Variants in SNX27 observed in about 807,000 individuals in gnomAD.
The protein encoded by SNX27 is sorting nexin 27.
SNX27 carries 22 observed loss-of-function variants against 71.6 expected under a neutral mutation model. That is an observed-to-expected ratio of 0.31 (90% CI 0.22 to 0.44). SNX27 has a LOEUF of 0.44. Ranked by LOEUF, SNX27 falls within the 20% of genes least tolerant of loss-of-function variation. The pLI is 1.00. For synonymous variants in SNX27, 269 were observed against 277.2 expected, an observed-to-expected ratio of 0.97 and a Z score of 0.29; for missense variants, 531 against 698.6, an observed-to-expected ratio of 0.76 and a Z score of 2.70.
At chr1:151,668,879 A>ATTTTT (rs1274592203) in intron 7 of SNX27, among the ~76,000 whole-genome samples, 1 of 152,216 alleles carries the variant, frequency 6.6e-6, no homozygotes, top group Non-Finnish European at 1.5e-5. Flanking sequence ...TAAACAATAG[A>ATTTTT]AAATGAGCAT....
chr1:151,613,170 AT>A (rs1378298899), intron 1 of SNX27: 1 of 148,326 alleles, frequency 6.7e-6, no homozygotes, highest in Non-Finnish European at 1.5e-5. Flanking sequence ...TCCTTTTTGT[AT>A]TTCTACTCCA....
intron 3 of SNX27, chr1:151,660,506 A>T (rs1291839014): frequency 3.4e-6 from 1 of 291,862 alleles, no homozygotes; most frequent in East Asian, 6.8e-5. Context: ...GTCACACAAG[A>T]CTGCAAAGTT....
rs1431082561 is a variant in SNX27 at position 151,694,491 on chromosome 1, A to T, written c.*74A>T. The T allele has an allele frequency of 7.1e-7, 1 of 1,403,426 alleles. No homozygotes were observed. The highest frequency in any genetic ancestry group is 9.6e-7 in the Non-Finnish European group (1 of 1,042,358). 86.9% of individuals were successfully genotyped at this position (1,403,426 alleles called of 1,614,324 possible). A position where few individuals can be genotyped will look rare whatever the true frequency, so the allele number is the denominator to read the frequency against. On this transcript the variant is annotated 3_prime_UTR_variant, in exon 12 of 12. Transcript: ENST00000458013. Reference sequence around the variant, plus strand: ...TTCATGTCCCATTTCAGACAGAGTAACCATTAACAAAAAAGAAGAGAAAAA... The same window carrying T: ...TTCATGTCCCATTTCAGACAGAGTATCCATTAACAAAAAAGAAGAGAAAAA...
intron 8 of SNX27, among the ~76,000 whole-genome samples, chr1:151,691,042 A>G (rs1391960156): frequency 2.6e-5 from 4 of 152,184 alleles, no homozygotes; most frequent in African/African-American, 9.7e-5. Context: ...AAAGTATAGG[A>G]GTCAGAGATT....
intron 2 of SNX27, among the ~76,000 whole-genome samples, chr1:151,643,812 C>T (rs187261523): frequency 1.3e-3 from 202 of 152,092 alleles, no homozygotes; most frequent in African/African-American, 4.8e-3. Flanking sequence ...AGGCATGTGC[C>T]AGCACGCTCG....
At chr1:151,693,359 C>A in intron 10 of SNX27, 65 bp from the exon 11 acceptor site, 1 of 1,501,448 alleles carries the variant, frequency 6.7e-7, no homozygotes, top group South Asian at 1.1e-5. Flanking sequence ...GACAGGAGTT[C>A]AAAGGCACAG....
chr1:151,645,801 G>T (rs1669008953), intron 2 of SNX27, among the ~76,000 whole-genome samples: 1 of 152,198 alleles, frequency 6.6e-6, no homozygotes, highest in Non-Finnish European at 1.5e-5. Flanking sequence ...CCCTCTTAAT[G>T]CAGGAGTGTA....
In SNX27 at chr1:151,695,459, C is replaced by T. The variant is rs1021032367; in HGVS notation, c.*1042C>T. 8.9e-5 allele frequency: 11 copies of T among 123,220 alleles called. No homozygotes were observed. Among genetic ancestry groups the T allele is most frequent in the African/African-American group, 2.5e-4 (8 of 32,150 alleles). 7.6% of individuals were successfully genotyped at this position (123,220 alleles called of 1,614,324 possible). ...TTTCTGAGACAGGGTCTTACTCTGT[C>T]GCCCAGACTGGAATGTGGTGGCATG... On this transcript the variant is annotated 3_prime_UTR_variant, in exon 12 of 12. Transcript: ENST00000458013.
intron 1 of SNX27, among the ~76,000 whole-genome samples, chr1:151,617,537 G>A (rs988119790): frequency 6.6e-6 from 1 of 152,186 alleles, no homozygotes; most frequent in Non-Finnish European, 1.5e-5. Context: ...GCCCGCCTCG[G>A]CCTCCCAAAG....
rs370735757 is a variant in SNX27 at position 151,644,059 on chromosome 1, A to T, written c.543+4940A>T. Among the ~76,000 whole-genome samples the T allele has an allele frequency of 3.9e-5, 6 of 152,250 alleles. No individual in the cohort carries two copies. The East Asian group carries it at 9.6e-4, about 24-fold the overall frequency. ...AAGTGAGACTTCGTCTCAAAAAAAAAATAGATAAATAAAAGTACAATTAGT... is the reference window on the plus strand; with the variant it reads ...AAGTGAGACTTCGTCTCAAAAAAAATATAGATAAATAAAAGTACAATTAGT... On this transcript the variant is annotated intron_variant, in intron 2 of 11. Transcript: ENST00000458013.
intron 7 of SNX27, among the ~76,000 whole-genome samples, chr1:151,670,999 A>G (rs1460518601): frequency 6.6e-6 from 1 of 152,170 alleles, no homozygotes. Flanking sequence ...ATTCTTTTGC[A>G]CATGGATATC....
intron 2 of SNX27, among the ~76,000 whole-genome samples, chr1:151,641,938 T>C (rs1428949566): frequency 8.3e-6 from 1 of 120,736 alleles, no homozygotes; most frequent in Admixed American, 9.7e-5. Flanking sequence ...ATATGAGATA[T>C]ATATATCAGC....
chr1:151,638,827 G>A, intron 1 of SNX27, 61 bp from the exon 2 acceptor site: 1 of 1,467,560 alleles, frequency 6.8e-7, no homozygotes, highest in South Asian at 1.1e-5. Flanking sequence ...GGAGGGTGGA[G>A]ATACAAGGTG....
In SNX27 at chr1:151,694,588, G is replaced by T; in HGVS notation, c.*171G>T. ...ACCCCCTCTGAATTTCATGTCTCTG[G>T]AATTGAGGTGGTAGTGAACAGCAGA... On this transcript the variant is annotated 3_prime_UTR_variant, in exon 12 of 12. Coordinates refer to ENST00000458013, the MANE Select transcript of SNX27 (RefSeq NM_001330723.2). 1.6e-6 allele frequency: 1 copy of T among 638,384 alleles called. No homozygotes were observed. 39.5% of individuals were successfully genotyped at this position (638,384 alleles called of 1,614,324 possible). A position where few individuals can be genotyped will look rare whatever the true frequency, so the allele number is the denominator to read the frequency against.
At position 151,697,357 on chromosome 1, in the gene SNX27, CAT is replaced by C. The variant is rs896927069; in HGVS notation, c.*2942_*2943del. Reference sequence around the variant, plus strand: ...TGAATGCTGACCTTCAGACATGAGACATAGGGATTTGGAGGCCCCTTAGAATG... The same window carrying C: ...TGAATGCTGACCTTCAGACATGAGACAGGGATTTGGAGGCCCCTTAGAATG... On this transcript the variant is annotated 3_prime_UTR_variant, in exon 12 of 12. Coordinates refer to ENST00000458013, the MANE Select transcript of SNX27 (RefSeq NM_001330723.2). 3.3e-5 allele frequency: 5 copies of C among 152,258 alleles called. No individual in the cohort carries two copies. The highest frequency in any genetic ancestry group is 1.2e-4 in the African/African-American group (5 of 41,450). The allele number at this position is 152,258 out of a possible 1,614,324, so 9.4% of individuals were successfully genotyped here. A position where few individuals can be genotyped will look rare whatever the true frequency, so the allele number is the denominator to read the frequency against.
chr1:151,618,129 C>G (rs1347933824), intron 1 of SNX27, among the ~76,000 whole-genome samples: 1 of 151,650 alleles, frequency 6.6e-6, no homozygotes, highest in African/African-American at 2.4e-5. Context: ...GCCTCCTAAA[C>G]CGCTGGCATT....
At chr1:151,693,632 A>G in intron 11 of SNX27, 149 bp downstream of exon 11, 2 of 1,613,614 alleles carry the variant, frequency 1.2e-6, no homozygotes, top group Non-Finnish European at 1.7e-6. Flanking sequence ...GTGAGCCAGG[A>G]CATTCTTCCA....
chr1:151,681,201 G>A (rs1391669944), intron 7 of SNX27, among the ~76,000 whole-genome samples: 3 of 146,802 alleles, frequency 2.0e-5, no homozygotes, highest in African/African-American at 7.6e-5. Flanking sequence ...ACATTGGTAG[G>A]TGACAGAACT....
chr1:151,622,556 T>G (rs1667723968), intron 1 of SNX27, among the ~76,000 whole-genome samples: 1 of 152,248 alleles, frequency 6.6e-6, no homozygotes, highest in South Asian at 2.1e-4. Context: ...ATTCTTTAAT[T>G]AACTTTCACT....
Sources: allele counts gnomAD v4.1 joint callset (sites outside exome capture counted in the v4.1 genomes callset), GRCh38; gene constraint gnomAD v4.1.1; transcripts MANE v1.5; gene names NCBI Gene and HGNC (gene_info 2026-07-23, HGNC 2026-07-21).